Variants in AGBL1 observed in about 807,000 individuals in gnomAD.
The protein encoded by AGBL1 is cytosolic carboxypeptidase 4.
A neutral mutation model predicts 118.9 loss-of-function variants in AGBL1; 130 were observed. That is an observed-to-expected ratio of 1.09 (90% CI 0.95 to 1.26). The LOEUF (loss-of-function observed/expected upper bound fraction) is 1.26, where lower values mean the gene tolerates loss of function less well. Ranked by LOEUF, AGBL1 falls within the 50% of genes most tolerant of loss-of-function variation. AGBL1 has a pLI of 0.00. For missense variants in AGBL1, 1,584 were observed against 1,298.1 expected (o/e 1.22, Z -3.38); for synonymous variants, 555 against 478.9 (o/e 1.16, Z -2.08).
At chr15:86,180,649 A>G (rs1378157939) in intron 5 of AGBL1, among the ~76,000 whole-genome samples, 1 of 152,158 alleles carries the variant, frequency 6.6e-6, no homozygotes, top group African/African-American at 2.4e-5. Context: ...GTGAAAACAC[A>G]ATTTATAAAC....
At chr15:86,390,597 G>A in intron 17 of AGBL1, among the ~76,000 whole-genome samples, 1 of 148,398 alleles carries the variant, frequency 6.7e-6, no homozygotes, top group East Asian at 2.0e-4. Context: ...CAACAACATA[G>A]ATAGCTCCCA....
chr15:86,711,772 A>G (rs1220697326), intron 22 of AGBL1, among the ~76,000 whole-genome samples: 6 of 152,198 alleles, frequency 3.9e-5, no homozygotes, highest in South Asian at 2.1e-4. Context: ...GTGGCAGAGT[A>G]TGTGTTTCCT....
At chr15:86,460,317 A>C (rs1332494265) in intron 18 of AGBL1, among the ~76,000 whole-genome samples, 2 of 109,384 alleles carry the variant, frequency 1.8e-5, no homozygotes, top group African/African-American at 4.4e-5. Flanking sequence ...CCCTATCTCT[A>C]CAAAAAAAAA....
At chr15:86,905,556 T>C (rs1403210126) in intron 22 of AGBL1, among the ~76,000 whole-genome samples, 7 of 152,238 alleles carry the variant, frequency 4.6e-5, no homozygotes, top group Admixed American at 4.6e-4. Context: ...AGCAATGGAA[T>C]TAAAATGTGG....
chr15:86,482,369 G>A (rs1417061722), intron 18 of AGBL1, among the ~76,000 whole-genome samples: 1 of 152,144 alleles, frequency 6.6e-6, no homozygotes, highest in Non-Finnish European at 1.5e-5. Context: ...GATGGCCTCT[G>A]CCATGCTTTA....
chr15:86,869,680 G>A (rs1174622012), intron 22 of AGBL1, among the ~76,000 whole-genome samples: 1 of 152,058 alleles, frequency 6.6e-6, no homozygotes, highest in African/African-American at 2.4e-5. Flanking sequence ...TAATAGTAAT[G>A]ATAAAATAAC....
intron 18 of AGBL1, among the ~76,000 whole-genome samples, chr15:86,453,370 C>T (rs143935104): frequency 2.6e-5 from 4 of 152,160 alleles, no homozygotes; most frequent in Non-Finnish European, 1.5e-5. Flanking sequence ...CCGGAAACTT[C>T]AAATCCAATA....
chr15:86,297,306 A>T (rs923574520), intron 17 of AGBL1, among the ~76,000 whole-genome samples: 1 of 152,160 alleles, frequency 6.6e-6, no homozygotes, highest in African/African-American at 2.4e-5. Context: ...AATGACAATC[A>T]TTGAGCTAGA....
intron 17 of AGBL1, among the ~76,000 whole-genome samples, chr15:86,373,929 T>C (rs781594418): frequency 5.3e-4 from 80 of 152,232 alleles, no homozygotes; most frequent in Non-Finnish European, 1.1e-3. Context: ...GCTTGCTGTA[T>C]AGTAGCTATT....
Position 86,904,750 on chromosome 15 carries a change from G to A in AGBL1, c.3159-2337G>A, listed in dbSNP as rs1387513167. On this transcript the variant is annotated intron_variant, in intron 22 of 22. Coordinates refer to ENST00000614907, the MANE Select transcript of AGBL1 (RefSeq NM_001386094.1). Reference sequence around the variant, plus strand: ...AAAATTCACAGACATGATAATTGTGGTATAATCCATATATAAAAATATTTT... The same window carrying A: ...AAAATTCACAGACATGATAATTGTGATATAATCCATATATAAAAATATTTT... Among the ~76,000 whole-genome samples, 16 of 150,504 alleles carry A rather than the reference G, an allele frequency of 1.1e-4. No homozygotes were observed. In the East Asian group the frequency reaches 2.3e-3, roughly 22 times the overall value.
chr15:86,493,210 CA>C (rs2082806048), intron 18 of AGBL1, among the ~76,000 whole-genome samples: 1 of 151,370 alleles, frequency 6.6e-6, no homozygotes. Context: ...AACAAACAAA[CA>C]AACAAAAACA....
At chr15:86,416,617 T>A (rs1359723852) in intron 18 of AGBL1, among the ~76,000 whole-genome samples, 1 of 152,212 alleles carries the variant, frequency 6.6e-6, no homozygotes, top group Non-Finnish European at 1.5e-5. Context: ...TCTAGCCATC[T>A]TGGCAGTGCA....
In AGBL1 at chr15:86,198,093, T is replaced by C. The variant is rs573997396; in HGVS notation, c.489-26821T>C. 8.5e-5 allele frequency among the ~76,000 whole-genome samples: 13 copies of C among 152,260 alleles called. No homozygotes were observed. In the East Asian group the frequency reaches 2.3e-3, roughly 27 times the overall value. On this transcript the variant is annotated intron_variant, in intron 5 of 22. Coordinates refer to ENST00000614907, the MANE Select transcript of AGBL1 (RefSeq NM_001386094.1). ...ACAGAGTCATGGGGGTGACAGAGCA[T>C]TGAACTAGAAAGGATTATGCTCCAG...
chr15:86,917,805 G>A (rs1567239639), downstream of AGBL1, among the ~76,000 whole-genome samples: 1 of 151,950 alleles, frequency 6.6e-6, no homozygotes, highest in Non-Finnish European at 1.5e-5. The surrounding 1 kb of genome is among the most constrained non-coding windows in gnomAD (Gnocchi z 4.8). Context: ...GAGAGGATGA[G>A]GACTTCCCAG....
intron 21 of AGBL1, among the ~76,000 whole-genome samples, chr15:86,560,055 A>G (rs2142283136): frequency 6.6e-6 from 1 of 152,322 alleles, no homozygotes; most frequent in Middle Eastern, 3.4e-3. Flanking sequence ...CTGGGTATCC[A>G]AGGGACTTAT....
At chr15:86,751,001 T>C (rs2077842983) in intron 22 of AGBL1, among the ~76,000 whole-genome samples, 1 of 152,268 alleles carries the variant, frequency 6.6e-6, no homozygotes, top group Middle Eastern at 3.4e-3. Context: ...TAGCATTCCA[T>C]GGTGTATGTG....
chr15:86,210,310 G>C (rs1038352320), intron 5 of AGBL1, among the ~76,000 whole-genome samples: 1 of 152,038 alleles, frequency 6.6e-6, no homozygotes, highest in Non-Finnish European at 1.5e-5. Context: ...TGCTCTTCTC[G>C]AGGAGTATCT....
chr15:86,118,461 A>T (rs985413772), intron 1 of AGBL1, among the ~76,000 whole-genome samples: 1 of 142,708 alleles, frequency 7.0e-6, no homozygotes, highest in South Asian at 2.4e-4. Context: ...TGACAACATT[A>T]TAATTACACT....
intron 6 of AGBL1, among the ~76,000 whole-genome samples, chr15:86,237,859 ATCCCTGCTCACCTT>A (rs1372807608): frequency 1.3e-5 from 2 of 152,092 alleles, no homozygotes; most frequent in African/African-American, 4.8e-5. Flanking sequence ...ACACATCCTG[ATCCCTGCTCACCTT>A]TCCCGTCATC....
Sources: gnomAD v4.1 joint callset for allele counts (sites outside exome capture counted in the v4.1 genomes callset) on GRCh38, gnomAD v4.1.1 for gene constraint, Gnocchi (gnomAD v3.1) non-coding constraint, MANE v1.5 for transcripts, NCBI Gene and HGNC (gene_info 2026-07-23, HGNC 2026-07-21) for gene names.